LRCH2: variants seen among roughly 807,000 people sequenced by gnomAD.
LRCH2 encodes the protein leucine rich repeats and calponin homology domain containing 2.
A neutral mutation model predicts 68.9 loss-of-function variants in LRCH2; 38 were observed. That is an observed-to-expected ratio of 0.55 (90% confidence interval 0.43 to 0.72). The LOEUF is 0.72. Among genes scored for constraint, LRCH2 ranks in the 30% least tolerant of loss-of-function variants. The pLI is 0.00. For missense variants in LRCH2, 528 were observed against 572.9 expected (o/e 0.92, Z 0.80); for synonymous variants, 191 against 208.1 (o/e 0.92, Z 0.71).
At chrX:115,228,674 T>C (rs1215040542) in intron 1 of LRCH2, among the ~76,000 whole-genome samples, 1 of 111,956 alleles carries the variant, frequency 8.9e-6, no homozygotes, top group Non-Finnish European at 1.9e-5. Context: ...AGAATTTATA[T>C]CACAAATAAT....
chrX:115,117,360 C>T (rs973551005), intron 20 of LRCH2, among the ~76,000 whole-genome samples: 1 of 111,720 alleles, frequency 9.0e-6, no homozygotes, highest in Admixed American at 9.5e-5. Context: ...TAAAACAGTA[C>T]AACCACTTTG....
chrX:115,215,068 T>C (rs1475759956), intron 1 of LRCH2, among the ~76,000 whole-genome samples: 3 of 112,456 alleles, frequency 2.7e-5, no homozygotes, highest in African/African-American at 9.7e-5. Context: ...TAAATGGCTA[T>C]TGAATAACTA....
At chrX:115,180,044 GAAGT>G (rs782700249) in intron 3 of LRCH2, among the ~76,000 whole-genome samples, 23 of 110,781 alleles carry the variant, frequency 2.1e-4, no homozygotes, top group South Asian at 3.9e-4. Context: ...GCCAAAACCA[GAAGT>G]AAGAATGATC....
chrX:115,233,730 C>T lies in LRCH2; in HGVS notation c.312G>A (p.Pro104=), dbSNP rs782318466. The part of the protein sequence containing the change: ...SLSGRKLRDF[P]GSGYDLTDTT... ...TGTCCGTCAGGTCGTAGCCGCTGCC[C>T]GGGAAGTCTCGGAGTTTCCGACCAC... Residue 104 remains proline, a synonymous_variant, in exon 1 of 21, where the codon CCG becomes CCA. Transcript: ENST00000317135. 157 of 1,176,746 alleles carry T rather than the reference C, an allele frequency of 1.3e-4. No homozygotes were observed. The South Asian group carries it at 2.1e-3, about 16-fold the overall frequency.
Position 115,192,088 on chromosome X carries a change from G to A in LRCH2, c.350-3718C>T, listed in dbSNP as rs868911655. 4.3e-5 allele frequency: 50 copies of A among 1,163,701 alleles called. No individual in the cohort carries two copies. The African/African-American group carries it at 5.3e-4, about 12-fold the overall frequency. ...GGGCCGATCGCCCGATGCCCACAGC[G>A]GGGACCACTACACCGAAGCCTACAG... On this transcript the variant is annotated intron_variant, in intron 1 of 20. Coordinates refer to ENST00000317135, the MANE Select transcript of LRCH2 (RefSeq NM_020871.4).
At chrX:115,199,533 T>C (rs1318817603) in intron 1 of LRCH2, among the ~76,000 whole-genome samples, 4 of 111,732 alleles carry the variant, frequency 3.6e-5, no homozygotes, top group African/African-American at 9.8e-5. Context: ...AGATATTAAA[T>C]AAAAGACGGT....
At position 115,233,931 on chromosome X, in the gene LRCH2, C is replaced by A; in HGVS notation, c.111G>T (p.Gly37=). Residue 37 remains glycine, a synonymous_variant, in exon 1 of 21, where the codon GGG becomes GGT. Coordinates refer to ENST00000317135, the MANE Select transcript of LRCH2 (RefSeq NM_020871.4). ...GGGTCCCGCCGCCGCCGCCGCCTCC[C>A]CCTCCAGCCCCGCCACCTCCCCCTC... ...TAGGGGGGAG[G]GGGGGGGTLV... The A allele has an allele frequency of 8.6e-7, 1 of 1,162,496 alleles. No individual in the cohort carries two copies. Among genetic ancestry groups the A allele is most frequent in the Non-Finnish European group, 1.1e-6 (1 of 870,480 alleles).
At chrX:115,178,128 T>C (rs1346770546) in intron 5 of LRCH2, among the ~76,000 whole-genome samples, 1 of 110,682 alleles carries the variant, frequency 9.0e-6, no homozygotes, top group Non-Finnish European at 1.9e-5. Context: ...TGAGTCATCA[T>C]CTGGCCACTG....
intron 11 of LRCH2, among the ~76,000 whole-genome samples, chrX:115,156,981 G>A (rs926362314): frequency 3.6e-5 from 4 of 111,124 alleles, no homozygotes; most frequent in Admixed American, 9.6e-5. Context: ...AGGTACCATC[G>A]TGACTGATTT....
intron 1 of LRCH2, among the ~76,000 whole-genome samples, chrX:115,214,370 G>T (rs1443571188): frequency 8.9e-6 from 1 of 111,968 alleles, no homozygotes; most frequent in Non-Finnish European, 1.9e-5. Context: ...CAACCCCATG[G>T]CTCTGGCATC....
chrX:115,162,778 T>C (rs963572061), intron 11 of LRCH2, among the ~76,000 whole-genome samples: 6 of 111,652 alleles, frequency 5.4e-5, no homozygotes, highest in African/African-American at 2.0e-4. Flanking sequence ...TCCCAAAACA[T>C]GGTCATATTA....
chrX:115,225,899 T>C (rs190982250), intron 1 of LRCH2, among the ~76,000 whole-genome samples: 18 of 112,107 alleles, frequency 1.6e-4, no homozygotes, highest in African/African-American at 5.5e-4. Context: ...TCGAAATACC[T>C]TTTTAAACAC....
At chrX:115,186,725 T>C (rs1469170555) in intron 2 of LRCH2, among the ~76,000 whole-genome samples, 1 of 109,314 alleles carries the variant, frequency 9.1e-6, no homozygotes, top group Non-Finnish European at 1.9e-5. Context: ...CTCAAACCTC[T>C]CCTAAGCCAG....
chrX:115,159,117 T>A (rs1327143271), intron 11 of LRCH2, among the ~76,000 whole-genome samples: 1 of 111,573 alleles, frequency 9.0e-6, no homozygotes, highest in Non-Finnish European at 1.9e-5. Flanking sequence ...CTCCCTTTTG[T>A]CAATTTTATT....
intron 1 of LRCH2, among the ~76,000 whole-genome samples, chrX:115,195,232 C>T (rs1468955967): frequency 9.3e-6 from 1 of 107,688 alleles, no homozygotes; most frequent in Non-Finnish European, 1.9e-5. Context: ...TGCAGTGAGC[C>T]GAGATCGTGC....
intron 11 of LRCH2, 95 bp downstream of exon 11, chrX:115,163,581 T>G (rs2072536174): frequency 1.7e-6 from 1 of 588,884 alleles, no homozygotes. Context: ...GGCACTATTG[T>G]TTACTCAAAA....
At chrX:115,189,370 G>A (rs1454207766) in intron 1 of LRCH2, 1 of 1,082,291 alleles carries the variant, frequency 9.2e-7, no homozygotes, top group Non-Finnish European at 1.2e-6. Context: ...CCACGAGAGC[G>A]CTCGAAGGCC....
intron 14 of LRCH2, among the ~76,000 whole-genome samples, chrX:115,148,188 C>A (rs868989362): frequency 2.7e-5 from 3 of 112,434 alleles, no homozygotes; most frequent in Non-Finnish European, 3.8e-5. Context: ...GGGTTCAAAT[C>A]TCAACTCTGC....
intron 16 of LRCH2, chrX:115,126,291 C>T (rs1206898495): frequency 9.0e-6 from 1 of 111,594 alleles, no homozygotes; most frequent in African/African-American, 3.3e-5. Context: ...CAAACTCTAA[C>T]TTTCTGATAC....
Sources: allele counts gnomAD v4.1 joint callset (sites outside exome capture counted in the v4.1 genomes callset), GRCh38; gene constraint gnomAD v4.1.1; transcripts MANE v1.5; gene names NCBI Gene and HGNC (gene_info 2026-07-23, HGNC 2026-07-21).